Variants in XYLT1 observed in about 807,000 individuals in gnomAD.
The protein encoded by XYLT1 is beta-D-xylosyltransferase 1.
In XYLT1, 36 loss-of-function variants were observed where a neutral mutation model predicts 91.3. The ratio of observed to expected loss-of-function variants is 0.39; its 90% CI spans 0.30 to 0.52. The LOEUF is 0.52. Ranked by LOEUF, XYLT1 falls within the 20% of genes least tolerant of loss-of-function variation. The pLI is 0.68. For missense variants in XYLT1, 1,242 were observed against 1,284.5 expected, an observed-to-expected ratio of 0.97 and a Z score of 0.51; for synonymous variants, 588 against 532.0, an observed-to-expected ratio of 1.11 and a Z score of -1.45.
intron 1 of XYLT1, among the ~76,000 whole-genome samples, chr16:17,393,836 C>T (rs993240926): frequency 6.6e-6 from 1 of 151,950 alleles, no homozygotes; most frequent in African/African-American, 2.4e-5. Flanking sequence ...AGTGCAGTGG[C>T]GCCATCTTGG....
intron 3 of XYLT1, among the ~76,000 whole-genome samples, chr16:17,215,732 G>A (rs915235570): frequency 1.3e-5 from 2 of 152,142 alleles, no homozygotes; most frequent in Non-Finnish European, 2.9e-5. Context: ...CCTAAGTGGA[G>A]GGAACAGCAT....
chr16:17,453,053 A>C (rs2036687903), intron 1 of XYLT1, among the ~76,000 whole-genome samples: 1 of 152,224 alleles, frequency 6.6e-6, no homozygotes, highest in Admixed American at 6.5e-5. Context: ...CTGGAATCAT[A>C]ACCACAATAG....
At position 17,201,234 on chromosome 16, in the gene XYLT1, C is replaced by T. The variant is rs377175470; in HGVS notation, c.914-580G>A. On this transcript the variant is annotated intron_variant, in intron 3 of 11. Transcript: ENST00000261381. The stretch of plus-strand genomic sequence containing the variant: ...TTGTCCTGCATGACTGAAACTTCAT[C>T]ATCCAATACCTTTTGTGGCATCATC... 5.9e-5 allele frequency among the ~76,000 whole-genome samples: 9 copies of T among 152,302 alleles called. No homozygotes were observed. The East Asian group carries it at 1.7e-3, about 29-fold the overall frequency.
intron 2 of XYLT1, among the ~76,000 whole-genome samples, chr16:17,355,743 T>G (rs2035286254): frequency 6.6e-6 from 1 of 152,160 alleles, no homozygotes; most frequent in South Asian, 2.1e-4. Flanking sequence ...CGAGTCTCAC[T>G]CTGTCACCCA....
intron 6 of XYLT1, 29 bp downstream of exon 6, chr16:17,158,800 T>G (rs1225728353): frequency 8.7e-6 from 14 of 1,609,508 alleles, no homozygotes; most frequent in African/African-American, 1.3e-5. Flanking sequence ...CATTTCCATT[T>G]TGTACAGGGG....
At position 17,258,972 on chromosome 16, in the gene XYLT1, C is replaced by T. The variant is rs540575525; in HGVS notation, c.913+16G>A. 16 of 1,486,970 alleles carry T rather than the reference C, an allele frequency of 1.1e-5. No homozygotes were observed. The highest frequency in any genetic ancestry group is 7.4e-5 in the South Asian group (5 of 67,900). 92.1% of individuals were successfully genotyped at this position (1,486,970 alleles called of 1,614,324 possible). A position where few individuals can be genotyped will look rare whatever the true frequency, so the allele number is the denominator to read the frequency against. ...GCCAGGAGATCCCTCTCTGAGCCAG[C>T]GGGGTTGGAACTTACCCTCGAGGGG... On this transcript the variant is annotated intron_variant, in intron 3 of 11. Coordinates refer to ENST00000261381, the MANE Select transcript of XYLT1 (RefSeq NM_022166.4).
intron 3 of XYLT1, among the ~76,000 whole-genome samples, chr16:17,254,442 TG>T (rs1183235482): frequency 6.6e-6 from 1 of 152,228 alleles, no homozygotes; most frequent in Non-Finnish European, 1.5e-5. Context: ...TTGCCTAGGC[TG>T]GAGTGCAATG....
intron 2 of XYLT1, among the ~76,000 whole-genome samples, chr16:17,331,605 T>A (rs895701489): frequency 5.3e-5 from 8 of 152,198 alleles, no homozygotes; most frequent in Non-Finnish European, 2.9e-5. Context: ...GATAAATGTG[T>A]GGTGGGTCTG....
intron 1 of XYLT1, among the ~76,000 whole-genome samples, chr16:17,382,293 C>T (rs560697800): frequency 6.6e-6 from 1 of 151,886 alleles, no homozygotes; most frequent in Admixed American, 6.6e-5. Flanking sequence ...CAGCAAGAGG[C>T]ATTTTAAGGT....
chr16:17,267,471 G>A lies in XYLT1; in HGVS notation c.403-7973C>T, dbSNP rs141893458. On this transcript the variant is annotated intron_variant, in intron 2 of 11. Transcript: ENST00000261381. ...CGCCCAGGCTGGAGTGCAGTGGTGC[G>A]ATCACGCTCATCGCAAGCTCCGCCT... 2.6e-3 allele frequency among the ~76,000 whole-genome samples: 403 copies of A among 152,316 alleles called. 3 individuals carry two copies. The highest frequency in any genetic ancestry group is 4.0e-3 in the Non-Finnish European group (269 of 68,018).
Position 17,399,354 on chromosome 16 carries a change from G to A in XYLT1, c.364-41304C>T, listed in dbSNP as rs540428034. Among the ~76,000 whole-genome samples the A allele has an allele frequency of 2.2e-4, 34 of 152,284 alleles. No homozygotes were observed. The East Asian group carries it at 6.2e-3, about 28-fold the overall frequency. ...AATGAGAGTCCCCAGAGGTTCTGGT[G>A]CTGTTGGAAGGATCCTAAGCATCAA... is the stretch of plus-strand genomic sequence containing the variant. On this transcript the variant is annotated intron_variant, in intron 1 of 11. Transcript: ENST00000261381.
At chr16:17,448,738 G>A (rs1265180326) in intron 1 of XYLT1, among the ~76,000 whole-genome samples, 1 of 151,606 alleles carries the variant, frequency 6.6e-6, no homozygotes, top group Non-Finnish European at 1.5e-5. Context: ...GGGGAGGAGG[G>A]TGGAGGAGGA....
At position 17,365,615 on chromosome 16, in the gene XYLT1, C is replaced by T. The variant is rs7189220; in HGVS notation, c.364-7565G>A. Among the ~76,000 whole-genome samples, 762 of 152,276 alleles carry T rather than the reference C, an allele frequency of 5.0e-3. 6 individuals carry two copies. The highest frequency in any genetic ancestry group is 0.017 in the African/African-American group (722 of 41,536). On this transcript the variant is annotated intron_variant, in intron 1 of 11. Transcript: ENST00000261381. ...ACTGGGTGTATTGCGCGCTCTCTTT[C>T]TCTCTTTTGTATTAAAAGCTTAAAA...
At chr16:17,269,103 T>C (rs1001874593) in intron 2 of XYLT1, among the ~76,000 whole-genome samples, 17 of 152,216 alleles carry the variant, frequency 1.1e-4, no homozygotes, top group African/African-American at 3.9e-4. Flanking sequence ...TGCCCCCTTT[T>C]TCTACTGGGC....
Position 17,259,250 on chromosome 16 carries a change from C to A in XYLT1, c.651G>T (p.Leu217=). ...TFPGKGPGEV[L]PPGDRAAANS... ...TGGCTGCGGCTCTGTCCCCGGGAGGCAGCACCTCACCGGGGCCTTTCCCAG... is the reference window on the plus strand; with the variant it reads ...TGGCTGCGGCTCTGTCCCCGGGAGGAAGCACCTCACCGGGGCCTTTCCCAG... Residue 217 remains leucine (L), a synonymous_variant, in exon 3 of 12, where the codon CTG becomes CTT. Coordinates refer to ENST00000261381, the MANE Select transcript of XYLT1 (RefSeq NM_022166.4). 1 of 1,614,114 alleles carries A rather than the reference C, an allele frequency of 6.2e-7. No homozygotes were observed.
At chr16:17,360,289 C>T (rs2035363975) in intron 1 of XYLT1, among the ~76,000 whole-genome samples, 1 of 152,186 alleles carries the variant, frequency 6.6e-6, no homozygotes, top group South Asian at 2.1e-4. Flanking sequence ...GAATGCCATC[C>T]TGACCCCTAA....
At chr16:17,318,790 C>CTTTTTT (rs58376375) in intron 2 of XYLT1, among the ~76,000 whole-genome samples, 9 of 142,642 alleles carry the variant, frequency 6.3e-5, no homozygotes, top group Non-Finnish European at 4.6e-5. Flanking sequence ...TCTGCTTACT[C>CTTTTTT]TTTTTTTTTT....
intron 1 of XYLT1, among the ~76,000 whole-genome samples, chr16:17,385,761 G>A (rs2035741222): frequency 6.6e-6 from 1 of 151,854 alleles, no homozygotes; most frequent in South Asian, 2.1e-4. Flanking sequence ...TCACCTATGA[G>A]CAGTGTGACC....
intron 5 of XYLT1, among the ~76,000 whole-genome samples, chr16:17,170,902 C>CT (rs1313124463): frequency 6.6e-6 from 1 of 152,184 alleles, no homozygotes; most frequent in Non-Finnish European, 1.5e-5. Context: ...TACTTATTGG[C>CT]TGTGTGGCCT....
Sources: gnomAD v4.1 joint callset for allele counts (sites outside exome capture counted in the v4.1 genomes callset) on GRCh38, gnomAD v4.1.1 for gene constraint, MANE v1.5 for transcripts, NCBI Gene and HGNC (gene_info 2026-07-23, HGNC 2026-07-21) for gene names.